The following EPM2A variants were observed in gnomAD, a reference collection of about 807,000 sequenced individuals.
The protein encoded by EPM2A is EPM2A glucan phosphatase, laforin.
Under a neutral mutation model 26.5 loss-of-function variants are expected in EPM2A, and 21 were observed. The ratio of observed to expected loss-of-function variants is 0.79; its 90% CI spans 0.56 to 1.14. EPM2A has a LOEUF of 1.14. Among genes scored for constraint, EPM2A ranks in the 50% most tolerant of loss-of-function variants. The pLI is 0.00. For missense variants in EPM2A, 458 were observed against 440.8 expected, an observed-to-expected ratio of 1.04 and a Z score of -0.35; for synonymous variants, 217 against 177.6, an observed-to-expected ratio of 1.22 and a Z score of -1.76.
intron 4 of EPM2A, among the ~76,000 whole-genome samples, chr6:145,487,627 C>T (rs974194215): frequency 2.0e-5 from 3 of 152,078 alleles, no homozygotes; most frequent in Admixed American, 6.5e-5. Flanking sequence ...GCTTCTTGGT[C>T]GCATGTATGT....
intron 1 of EPM2A, among the ~76,000 whole-genome samples, chr6:145,703,109 TC>T (rs1562504213): frequency 1.9e-4 from 9 of 46,194 alleles, no homozygotes; most frequent in Admixed American, 2.6e-4. Flanking sequence ...TTTTTTTTTT[TC>T]GAGACGGAGT....
intron 2 of EPM2A, among the ~76,000 whole-genome samples, chr6:145,596,959 A>C (rs890367167): frequency 1.4e-5 from 2 of 142,504 alleles, no homozygotes; most frequent in East Asian, 4.1e-4. Flanking sequence ...CAGTGGCGCA[A>C]TCTCGGCTCA....
intron 2 of EPM2A, among the ~76,000 whole-genome samples, chr6:145,667,665 T>C (rs1258021926): frequency 6.7e-6 from 1 of 149,230 alleles, no homozygotes; most frequent in Non-Finnish European, 1.5e-5. Context: ...CATTACTGGG[T>C]ATATAACCAA....
intron 1 of EPM2A, among the ~76,000 whole-genome samples, chr6:145,698,801 C>G (rs1405143741): frequency 6.6e-6 from 1 of 152,028 alleles, no homozygotes; most frequent in Non-Finnish European, 1.5e-5. Flanking sequence ...AACAAGATCA[C>G]AGAGTGAAGT....
chr6:145,564,165 AT>A lies in EPM2A; in HGVS notation c.341-61591del, dbSNP rs574982116. Among the ~76,000 whole-genome samples the A allele has an allele frequency of 2.1e-4, 32 of 152,336 alleles. 2 individuals are homozygous for A. In the South Asian group the frequency reaches 6.0e-3, roughly 29 times the overall value. ...TAGTGCAGACGCAATTTAAAAAAAAATATTTTTAATCTGCAGTTGATTGAAT... is the reference window on the plus strand; with the variant it reads ...TAGTGCAGACGCAATTTAAAAAAAAAATTTTTAATCTGCAGTTGATTGAAT... On this transcript the variant is annotated intron_variant, in intron 2 of 3. Coordinates refer to the EPM2A transcript ENST00000450221.
chr6:145,614,603 A>G (rs1271450007), intron 2 of EPM2A, among the ~76,000 whole-genome samples: 3 of 152,220 alleles, frequency 2.0e-5, no homozygotes, highest in African/African-American at 7.2e-5. Context: ...TTGCAGAGTT[A>G]TTAACTGGCT....
intron 1 of EPM2A, among the ~76,000 whole-genome samples, chr6:145,715,743 C>T (rs1258202901): frequency 6.6e-6 from 1 of 152,144 alleles, no homozygotes. Context: ...GACAGGGAGA[C>T]ATCTAGGTTG....
intron 2 of EPM2A, among the ~76,000 whole-genome samples, chr6:145,554,792 T>C (rs1213283004): frequency 6.6e-6 from 1 of 152,032 alleles, no homozygotes; most frequent in African/African-American, 2.4e-5. Flanking sequence ...TCAGCATATG[T>C]ATTGGGGAAC....
At chr6:145,506,496 A>C (rs1779975536) in intron 2 of EPM2A, among the ~76,000 whole-genome samples, 1 of 152,046 alleles carries the variant, frequency 6.6e-6, no homozygotes, top group African/African-American at 2.4e-5. Flanking sequence ...AAGGTAAATT[A>C]TTGTATATAC....
At chr6:145,653,511 A>G (rs1416812415) in intron 2 of EPM2A, among the ~76,000 whole-genome samples, 1 of 152,238 alleles carries the variant, frequency 6.6e-6, no homozygotes, top group East Asian at 1.9e-4. Context: ...ATGGACTAAT[A>G]CAGCACTCAA....
At chr6:145,731,465 T>C (rs373391311) in intron 1 of EPM2A, among the ~76,000 whole-genome samples, 22 of 152,118 alleles carry the variant, frequency 1.4e-4, no homozygotes, top group African/African-American at 4.8e-4. Context: ...AGCAGCAAAA[T>C]TGACAATTGC....
chr6:145,489,834 T>C, intron 4 of EPM2A: 1 of 1,450,500 alleles, frequency 6.9e-7, no homozygotes, highest in East Asian at 2.3e-5. Flanking sequence ...GAAGTTCAGT[T>C]TGTACTTCCA....
At chr6:145,528,236 G>C (rs890536223) in intron 2 of EPM2A, among the ~76,000 whole-genome samples, 54 of 152,230 alleles carry the variant, frequency 3.5e-4, no homozygotes, top group African/African-American at 1.3e-3. Context: ...TTATCCAGAA[G>C]AACTAATTAA....
chr6:145,574,226 G>T (rs1402076127), intron 2 of EPM2A, among the ~76,000 whole-genome samples: 1 of 151,980 alleles, frequency 6.6e-6, no homozygotes, highest in Non-Finnish European at 1.5e-5. Context: ...TAAGTTTTCT[G>T]CTTGTATAAA....
intron 4 of EPM2A, among the ~76,000 whole-genome samples, chr6:145,495,362 T>A (rs1009259809): frequency 6.6e-6 from 1 of 152,124 alleles, no homozygotes; most frequent in African/African-American, 2.4e-5. Context: ...TTCATCCTTT[T>A]ATTTTAAGCC....
intron 2 of EPM2A, among the ~76,000 whole-genome samples, chr6:145,582,787 A>C (rs1348925417): frequency 6.6e-6 from 1 of 152,184 alleles, no homozygotes; most frequent in Admixed American, 6.5e-5. Context: ...CTTCAGAGAC[A>C]CCAATGATTC....
At chr6:145,618,825 G>A (rs994407876) in intron 2 of EPM2A, among the ~76,000 whole-genome samples, 1 of 152,126 alleles carries the variant, frequency 6.6e-6, no homozygotes, top group African/African-American at 2.4e-5. Context: ...GAAAAACGAG[G>A]AGCCATTGAG....
At chr6:145,656,213 C>G (rs1778270971) in intron 2 of EPM2A, among the ~76,000 whole-genome samples, 2 of 152,208 alleles carry the variant, frequency 1.3e-5, no homozygotes, top group African/African-American at 4.8e-5. Flanking sequence ...AGTAGCTAAT[C>G]ACATTTTGAA....
intron 2 of EPM2A, among the ~76,000 whole-genome samples, chr6:145,668,370 C>A (rs936948647): frequency 1.3e-5 from 2 of 151,900 alleles, no homozygotes; most frequent in African/African-American, 4.8e-5. Context: ...ATAAATAGAT[C>A]TTTTTAAAAA....
Sources: gnomAD v4.1 joint callset for allele counts (sites outside exome capture counted in the v4.1 genomes callset) on GRCh38, gnomAD v4.1.1 for gene constraint, MANE v1.5 for transcripts, NCBI Gene and HGNC (gene_info 2026-07-23, HGNC 2026-07-21) for gene names.